The following ACOT2 variants were observed in gnomAD, a reference collection of about 807,000 sequenced individuals.
ACOT2 encodes acyl-CoA thioesterase 2.
A neutral mutation model predicts 20.1 loss-of-function variants in ACOT2; 15 were observed. The ratio of observed to expected loss-of-function variants is 0.75; its 90% confidence interval spans 0.50 to 1.15. The LOEUF is 1.15. Ranked by LOEUF, ACOT2 falls within the 50% of genes most tolerant of loss-of-function variation. The probability of loss-of-function intolerance (pLI) is 0.00; values close to 1 mark genes in which losing one functional copy is unlikely to be tolerated. For missense variants in ACOT2, 479 were observed against 615.3 expected, an observed-to-expected ratio of 0.78 and a Z score of 2.34; for synonymous variants, 252 against 268.4, an observed-to-expected ratio of 0.94 and a Z score of 0.60.
At chr14:73,572,339 G>C (rs1279777550) in intron 1 of ACOT2, among the ~76,000 whole-genome samples, 1 of 150,382 alleles carries the variant, frequency 6.6e-6, no homozygotes, top group Non-Finnish European at 1.5e-5. Context: ...ATATACAAAA[G>C]AAAAGAAAAA....
intron 1 of ACOT2, chr14:73,571,699 C>A (rs1889754522): frequency 6.6e-6 from 1 of 151,890 alleles, no homozygotes; most frequent in Non-Finnish European, 1.5e-5. Flanking sequence ...GTGCTCATCG[C>A]TGCCGGGGCA....
chr14:73,573,916 G>A (rs1488099921), intron 2 of ACOT2, among the ~76,000 whole-genome samples: 9 of 152,000 alleles, frequency 5.9e-5, no homozygotes, highest in African/African-American at 2.2e-4. Flanking sequence ...TAGTGGAGGC[G>A]GGGTTTCACA....
intron 2 of ACOT2, among the ~76,000 whole-genome samples, chr14:73,573,925 C>T (rs914892089): frequency 6.6e-6 from 1 of 152,052 alleles, no homozygotes; most frequent in Non-Finnish European, 1.5e-5. Context: ...CGGGGTTTCA[C>T]AATATTGGTC....
intron 1 of ACOT2, 94 bp downstream of exon 1, chr14:73,569,977 C>CT: frequency 6.9e-7 from 1 of 1,459,314 alleles, no homozygotes; most frequent in Non-Finnish European, 9.0e-7. Context: ...TATGCCCCCC[C>CT]GCCGCGCCCC....
intron 1 of ACOT2, among the ~76,000 whole-genome samples, chr14:73,570,972 G>A (rs1435073164): frequency 2.4e-5 from 3 of 124,052 alleles, no homozygotes; most frequent in African/African-American, 6.0e-5. Context: ...TGACTAGGAA[G>A]CCACTTTTTT....
chr14:73,569,830 G>C lies in ACOT2; in HGVS notation c.590G>C (p.Arg197Pro), dbSNP rs1171129897. 1 of 1,598,460 alleles carries C rather than the reference G, an allele frequency of 6.3e-7. No homozygotes were observed. The highest frequency in any genetic ancestry group is 2.3e-5 in the East Asian group (1 of 44,240). The change falls in exon 1 of 3, where the codon CGG becomes CCG. Residue 197 changes from arginine to proline, a missense_variant. Coordinates refer to ENST00000238651, the MANE Select transcript of ACOT2 (RefSeq NM_006821.6). Reference protein sequence around the residue: ...HERYFLPPGVRREPVRVGRVR... With the variant: ...HERYFLPPGVPREPVRVGRVR... ...CGCTACTTCCTCCCGCCCGGGGTGCGGCGCGAGCCGGTGCGCGTGGGCCGG... is the reference window on the plus strand; with the variant it reads ...CGCTACTTCCTCCCGCCCGGGGTGCCGCGCGAGCCGGTGCGCGTGGGCCGG...
At chr14:73,571,096 C>G (rs1294902355) in intron 1 of ACOT2, 2 of 151,752 alleles carry the variant, frequency 1.3e-5, no homozygotes, top group South Asian at 2.1e-4. Flanking sequence ...TGCCCGCCCA[C>G]CATTGCTCCA....
chr14:73,567,734 G>A (rs139296481), upstream of ACOT2: 3 of 152,018 alleles, frequency 2.0e-5, no homozygotes, highest in East Asian at 1.9e-4. Context: ...CTGTAACACC[G>A]TGAAGGTATA....
chr14:73,569,192 G>A (rs753859361), upstream of ACOT2: 1 of 1,597,024 alleles, frequency 6.3e-7, no homozygotes, highest in Non-Finnish European at 8.5e-7. Context: ...CACGTTAGCA[G>A]ACAGCTCTGC....
chr14:73,571,890 C>G (rs1313765835), intron 1 of ACOT2, among the ~76,000 whole-genome samples: 3 of 151,998 alleles, frequency 2.0e-5, no homozygotes, highest in Non-Finnish European at 4.4e-5. Context: ...TTTTATATTA[C>G]ATAAAGAGCA....
rs540297255 is a variant in ACOT2, at chr14:73,569,801, C to T, written c.561C>T (p.His187=). The T allele has an allele frequency of 1.9e-6, 3 of 1,603,162 alleles. No individual in the cohort carries two copies. Among genetic ancestry groups the T allele is most frequent in the Non-Finnish European group, 1.7e-6 (2 of 1,175,962 alleles). ...GGCGGCTGCTGTGCCAGACGCGGCACGAGCGCTACTTCCTCCCGCCCGGGG... is the reference window on the plus strand; with the variant it reads ...GGCGGCTGCTGTGCCAGACGCGGCATGAGCGCTACTTCCTCCCGCCCGGGG... ...DPGRLLCQTR[H]ERYFLPPGVR... The change falls in exon 1 of 3, where the codon CAC becomes CAT. Residue 187 remains histidine (H), a synonymous_variant. Coordinates refer to ENST00000238651, the MANE Select transcript of ACOT2 (RefSeq NM_006821.6).
upstream of ACOT2, among the ~76,000 whole-genome samples, chr14:73,568,554 A>G (rs1185194561): frequency 6.7e-6 from 1 of 148,762 alleles, no homozygotes. Flanking sequence ...ATGTAGTGAG[A>G]CCCTGTCTCT....
Position 73,569,895 on chromosome 14 carries a change from C to G in ACOT2, c.643+12C>G. 6.2e-7 allele frequency: 1 copy of G among 1,600,352 alleles called. No individual in the cohort carries two copies. The highest frequency in any genetic ancestry group is 1.1e-5 in the South Asian group (1 of 89,202). On this transcript the variant is annotated intron_variant, in intron 1 of 2. Coordinates refer to ENST00000238651, the MANE Select transcript of ACOT2 (RefSeq NM_006821.6). Reference sequence around the variant, plus strand: ...CTTCCTGCCGCCAGGTGACTCACCTCCGCTAATTGTTCCGTGTTCGTTCGC... The same window carrying G: ...CTTCCTGCCGCCAGGTGACTCACCTGCGCTAATTGTTCCGTGTTCGTTCGC...
upstream of ACOT2, chr14:73,567,915 C>T (rs74061170): frequency 0.035 from 5,273 of 152,134 alleles, 259 homozygotes; most frequent in East Asian, 0.21. Context: ...ACATTCCGGA[C>T]GCATCTGAAC....
intron 1 of ACOT2, among the ~76,000 whole-genome samples, chr14:73,570,322 C>A (rs1404189560): frequency 2.0e-5 from 3 of 151,808 alleles, no homozygotes; most frequent in Non-Finnish European, 4.4e-5. Context: ...GTAATCCCAG[C>A]ACTTTGGGAA....
chr14:73,574,799 G>C, intron 2 of ACOT2, 109 bp from the exon 3 acceptor site: 1 of 1,573,812 alleles, frequency 6.4e-7, no homozygotes, highest in Non-Finnish European at 8.7e-7. Context: ...GTAAATGGTA[G>C]AACCTAGATT....
rs1445742372 is a variant in ACOT2 at position 73,573,572 on chromosome 14, C to T, written c.828C>T (p.Tyr276=). ...AGTACTTTGAAGAAGCCATGAACTA[C>T]TTGCTCAGTCATCCCGAGGTTAGTT... is the stretch of plus-strand genomic sequence containing the variant. ...HLEYFEEAMN[Y]LLSHPEVKGP... is the part of the protein sequence containing the mutation. Residue 276 remains tyrosine, a synonymous_variant, in exon 2 of 3, where the codon TAC becomes TAT. Transcript: ENST00000238651. 8 of 1,613,756 alleles carry T rather than the reference C, an allele frequency of 5.0e-6. 1 individual carries two copies. Among genetic ancestry groups the T allele is most frequent in the East Asian group, 2.2e-5 (1 of 44,882 alleles).
Position 73,569,363 on chromosome 14 carries a change from G to C in ACOT2, c.123G>C (p.Ser41=), listed in dbSNP as rs751576499. The change falls in exon 1 of 3, where the codon TCG becomes TCC. Residue 41 remains serine (S), a synonymous_variant. Coordinates refer to ENST00000238651, the MANE Select transcript of ACOT2 (RefSeq NM_006821.6). ...SRLYQWSLKS[S]AQFLGSPQLR... The stretch of plus-strand genomic sequence containing the variant: ...TGTACCAATGGAGCCTGAAGAGTTC[G>C]GCGCAGTTCCTGGGGTCTCCACAGC... 1 of 1,613,978 alleles carries C rather than the reference G, an allele frequency of 6.2e-7. No homozygotes were observed. The highest frequency in any genetic ancestry group is 8.5e-7 in the Non-Finnish European group (1 of 1,179,804).
chr14:73,572,757 T>G (rs886815922), intron 1 of ACOT2, among the ~76,000 whole-genome samples: 1 of 147,480 alleles, frequency 6.8e-6, no homozygotes, highest in Non-Finnish European at 1.5e-5. Context: ...GCGATTCTCC[T>G]CCCTCAGCCT....
Sources: gnomAD v4.1 joint callset for allele counts (sites outside exome capture counted in the v4.1 genomes callset) on GRCh38, gnomAD v4.1.1 for gene constraint, MANE v1.5 for transcripts, NCBI Gene and HGNC (gene_info 2026-07-23, HGNC 2026-07-21) for gene names.